The following ANO1 variants were observed in gnomAD, a reference collection of about 807,000 sequenced individuals.
ANO1 encodes anoctamin 1, also known as anoctamin-1.
In ANO1, 59 loss-of-function variants were observed where a neutral mutation model predicts 124.0. The observed-to-expected ratio is 0.48, with a 90% CI of 0.39 to 0.59. The LOEUF (loss-of-function observed/expected upper bound fraction) is 0.59. ANO1 is among the 20% of genes least tolerant of loss of function. The pLI is 0.00. For synonymous variants in ANO1, 529 were observed against 532.0 expected (o/e 0.99, Z 0.08); for missense variants, 1,059 against 1,328.0 (o/e 0.80, Z 3.15).
chr11:69,981,556 G>C (rs1394434748), upstream of ANO1, among the ~76,000 whole-genome samples: 4 of 152,238 alleles, frequency 2.6e-5, no homozygotes, highest in African/African-American at 9.6e-5. Context: ...CAGGTCCTCT[G>C]TATCAGAGCG....
chr11:70,072,345 GC>G (rs1857892404), intron 1 of ANO1: 3 of 152,274 alleles, frequency 2.0e-5, no homozygotes, highest in Admixed American at 2.0e-4. Flanking sequence ...CCTGGCAGAG[GC>G]CTTGACACAA....
intron 1 of ANO1, among the ~76,000 whole-genome samples, chr11:70,068,506 A>C (rs1216000424): frequency 6.6e-6 from 1 of 152,196 alleles, no homozygotes; most frequent in Non-Finnish European, 1.5e-5. Flanking sequence ...GTCAGATAAC[A>C]GATGCGGGGA....
intron 1 of ANO1, among the ~76,000 whole-genome samples, chr11:69,994,952 T>C (rs1554998126): frequency 6.6e-6 from 1 of 152,170 alleles, no homozygotes; most frequent in Non-Finnish European, 1.5e-5. Flanking sequence ...AAACTTTTGC[T>C]TTTAGAACAG....
chr11:70,044,190 C>CA (rs1857224390), intron 1 of ANO1, among the ~76,000 whole-genome samples: 1 of 151,622 alleles, frequency 6.6e-6, no homozygotes, highest in Admixed American at 6.6e-5. Context: ...TAAAATAAAG[C>CA]AAAAAGTGCT....
intron 1 of ANO1, among the ~76,000 whole-genome samples, chr11:70,025,887 A>ATGATGATGATGGTGG (rs1856893481): frequency 8.7e-6 from 1 of 115,404 alleles, no homozygotes; most frequent in South Asian, 3.3e-4. Context: ...GGTGGTGATG[A>ATGATGATGATGGTGG]TGGTGATGAT....
chr11:69,987,539 A>G (rs1007902177), intron 1 of ANO1, among the ~76,000 whole-genome samples: 5 of 145,246 alleles, frequency 3.4e-5, no homozygotes, highest in African/African-American at 1.3e-4. Flanking sequence ...GGATCGCTTG[A>G]GCCCGCAGTG....
chr11:69,979,931 G>C, the ANO1 span, among the ~76,000 whole-genome samples: 1 of 152,150 alleles, frequency 6.6e-6, no homozygotes, highest in South Asian at 2.1e-4. Flanking sequence ...CAACTGTGCC[G>C]TGCCGTGGTT....
intron 1 of ANO1, among the ~76,000 whole-genome samples, chr11:70,026,889 ACCAGGTC>A: frequency 6.6e-6 from 1 of 152,160 alleles, no homozygotes; most frequent in South Asian, 2.1e-4. Flanking sequence ...CCACCTTAAC[ACCAGGTC>A]CTCAAACACC....
In ANO1 at chr11:70,002,461, C is replaced by CAAA. The variant is rs56246522; in HGVS notation, c.58+16309_58+16311dup. 4.6e-3 allele frequency among the ~76,000 whole-genome samples: 435 copies of CAAA among 94,930 alleles called. 11 individuals carry two copies. The highest frequency in any genetic ancestry group is 7.2e-3 in the African/African-American group (200 of 27,754). 62.3% of individuals were successfully genotyped at this position (94,930 alleles called of 152,430 possible). A position where few individuals can be genotyped will look rare whatever the true frequency, so the allele number is the denominator to read the frequency against. On this transcript the variant is annotated intron_variant, in intron 1 of 27. Transcript: ENST00000531349. ...CCTGGGCAACAAAGCGAGACTCCACCAAAAAAAAAAAAAAAACACCAAAAA... is the reference window on the plus strand; with the variant it reads ...CCTGGGCAACAAAGCGAGACTCCACCAAAAAAAAAAAAAAAAAAACACCAAAAA...
chr11:70,025,085 G>A (rs1216206443), intron 1 of ANO1, among the ~76,000 whole-genome samples: 1 of 152,170 alleles, frequency 6.6e-6, no homozygotes, highest in African/African-American at 2.4e-5. Context: ...GGCTGTTCAG[G>A]AAACCACATG....
chr11:70,040,942 C>T (rs1857173395), intron 1 of ANO1, among the ~76,000 whole-genome samples: 5 of 152,216 alleles, frequency 3.3e-5, no homozygotes, highest in Admixed American at 3.3e-4. Flanking sequence ...AAAGAACTTT[C>T]TAAGCATCAT....
At chr11:70,023,550 C>T (rs540800996) in intron 1 of ANO1, among the ~76,000 whole-genome samples, 1 of 152,264 alleles carries the variant, frequency 6.6e-6, no homozygotes, top group South Asian at 2.1e-4. Flanking sequence ...TGAGATTCGG[C>T]CCAGTACTGA....
chr11:70,094,623 T>C (rs1255519258), intron 2 of ANO1, among the ~76,000 whole-genome samples: 1 of 152,170 alleles, frequency 6.6e-6, no homozygotes. Flanking sequence ...CGTCTGGCCT[T>C]TGAACCTGGC....
chr11:70,176,304 G>T (rs1363354276), intron 22 of ANO1, among the ~76,000 whole-genome samples: 1 of 151,934 alleles, frequency 6.6e-6, no homozygotes, highest in Non-Finnish European at 1.5e-5. Context: ...TGCGCCACCA[G>T]ATTTGGCTAA....
At chr11:70,091,142 CAG>C (rs2044610353) in intron 2 of ANO1, among the ~76,000 whole-genome samples, 1 of 152,204 alleles carries the variant, frequency 6.6e-6, no homozygotes, top group Non-Finnish European at 1.5e-5. Flanking sequence ...GGTTAGCAGA[CAG>C]AGCTGCTGCC....
chr11:70,132,385 G>C (rs529018210), intron 11 of ANO1, among the ~76,000 whole-genome samples: 31 of 152,252 alleles, frequency 2.0e-4, no homozygotes, highest in African/African-American at 6.5e-4. Flanking sequence ...AGCTGATTTA[G>C]AGCAGGGAGG....
chr11:69,971,618 C>T, the ANO1 span, among the ~76,000 whole-genome samples: 4 of 152,170 alleles, frequency 2.6e-5, no homozygotes, highest in Non-Finnish European at 5.9e-5. Flanking sequence ...GATACTCAGA[C>T]TTTTCCTCAC....
At chr11:70,058,677 A>T (rs1555007235) in intron 1 of ANO1, among the ~76,000 whole-genome samples, 1 of 152,220 alleles carries the variant, frequency 6.6e-6, no homozygotes, top group African/African-American at 2.4e-5. Context: ...ACCCTGTAGC[A>T]TCTCAAGGAC....
intron 11 of ANO1, among the ~76,000 whole-genome samples, chr11:70,141,308 C>G (rs1312344115): frequency 6.6e-6 from 1 of 152,160 alleles, no homozygotes; most frequent in Non-Finnish European, 1.5e-5. Context: ...TAGTGCCTTG[C>G]GCCCCAAGAG....
Sources: gnomAD v4.1 joint callset for allele counts (sites outside exome capture counted in the v4.1 genomes callset) on GRCh38, gnomAD v4.1.1 for gene constraint, MANE v1.5 for transcripts, NCBI Gene and HGNC (gene_info 2026-07-23, HGNC 2026-07-21) for gene names.